Variants in NME7 observed in about 807,000 individuals in gnomAD.
NME7 encodes NME/NM23 family member 7.
NME7 carries 41 observed loss-of-function variants against 49.1 expected under a neutral mutation model. The ratio of observed to expected loss-of-function variants is 0.83; its 90% CI spans 0.65 to 1.08. NME7 has a LOEUF of 1.08. Among genes scored for constraint, NME7 ranks in the 50% least tolerant of loss-of-function variants. NME7 has a pLI of 0.00. For synonymous variants in NME7, 139 were observed against 150.6 expected, an observed-to-expected ratio of 0.92 and a Z score of 0.56; for missense variants, 423 against 463.4, an observed-to-expected ratio of 0.91 and a Z score of 0.80.
chr1:169,286,702 T>C (rs1248216060), intron 7 of NME7: 2 of 152,086 alleles, frequency 1.3e-5, no homozygotes, highest in African/African-American at 2.4e-5. Flanking sequence ...AGGAGTGCTA[T>C]TGGCTGGGCA....
At chr1:169,280,470 A>G (rs1351817814) in intron 7 of NME7, among the ~76,000 whole-genome samples, 1 of 150,954 alleles carries the variant, frequency 6.6e-6, no homozygotes, top group African/African-American at 2.4e-5. Flanking sequence ...ATTAGATCCC[A>G]TATGTCAATT....
At chr1:169,293,498 T>G (rs1571362916) in intron 6 of NME7, among the ~76,000 whole-genome samples, 1 of 152,270 alleles carries the variant, frequency 6.6e-6, no homozygotes, top group African/African-American at 2.4e-5. Context: ...CAACTTCTCA[T>G]TATATTTGGG....
intron 1 of NME7, among the ~76,000 whole-genome samples, chr1:169,365,962 C>T (rs918780119): frequency 2.0e-5 from 3 of 152,100 alleles, no homozygotes; most frequent in African/African-American, 7.2e-5. Context: ...GGAAAGATAG[C>T]AAGTTCAGTT....
intron 3 of NME7, among the ~76,000 whole-genome samples, chr1:169,310,424 A>AT (rs1651338853): frequency 6.6e-6 from 1 of 152,190 alleles, no homozygotes; most frequent in Admixed American, 6.5e-5. Context: ...TCTCTAAAAC[A>AT]TTGCATTAAA....
chr1:169,197,211 T>C (rs1198528496), intron 10 of NME7, among the ~76,000 whole-genome samples: 1 of 152,170 alleles, frequency 6.6e-6, no homozygotes. Flanking sequence ...AAAAAGATTT[T>C]TGGAAAAATA....
chr1:169,367,618 G>A (rs371890471), intron 1 of NME7, 90 bp downstream of exon 1: 47 of 1,477,136 alleles, frequency 3.2e-5, no homozygotes, highest in South Asian at 5.7e-5. Flanking sequence ...GGGAGGACCG[G>A]ACAACTTTAA....
chr1:169,179,796 A>C (rs190538653), intron 10 of NME7, among the ~76,000 whole-genome samples: 86 of 152,262 alleles, frequency 5.6e-4, no homozygotes, highest in Non-Finnish European at 9.4e-4. Flanking sequence ...GGGGAGCAAC[A>C]CACACTGGGG....
intron 7 of NME7, among the ~76,000 whole-genome samples, chr1:169,267,494 A>T (rs967254774): frequency 2.3e-5 from 3 of 133,292 alleles, no homozygotes; most frequent in Non-Finnish European, 5.3e-5. Flanking sequence ...AAGCTGGAGG[A>T]ATCATATTGT....
chr1:169,195,032 G>T (rs146673281), intron 10 of NME7, among the ~76,000 whole-genome samples: 7 of 151,750 alleles, frequency 4.6e-5, no homozygotes, highest in African/African-American at 1.7e-4. Context: ...CTCAGCAGCA[G>T]AATTATATTC....
intron 7 of NME7, among the ~76,000 whole-genome samples, chr1:169,282,397 C>A (rs1038411671): frequency 2.0e-5 from 3 of 151,992 alleles, no homozygotes; most frequent in Non-Finnish European, 4.4e-5. Flanking sequence ...TTCAAAAAAC[C>A]AGTTCACGGA....
At chr1:169,359,203 CGT>C (rs1653568724) in intron 1 of NME7, among the ~76,000 whole-genome samples, 1 of 152,140 alleles carries the variant, frequency 6.6e-6, no homozygotes. Flanking sequence ...ACTTACAACA[CGT>C]AATACAATGC....
intron 10 of NME7, among the ~76,000 whole-genome samples, chr1:169,223,801 A>G (rs1661219270): frequency 6.6e-6 from 1 of 152,076 alleles, no homozygotes; most frequent in African/African-American, 2.4e-5. Context: ...AGAGAGAGAG[A>G]GAGAGATGTA....
rs567872314 is a variant in NME7 at position 169,263,431 on chromosome 1, G to T, written c.754+23872C>A. ...ATAATACAACCAATCTGATAGAGCT[G>T]AAAAACACACTACAAGAATTTCATA... On this transcript the variant is annotated intron_variant, in intron 7 of 11. Coordinates refer to ENST00000367811, the MANE Select transcript of NME7 (RefSeq NM_013330.5). 1.0e-4 allele frequency among the ~76,000 whole-genome samples: 14 copies of T among 133,914 alleles called. 4 individuals are homozygous for T. In the South Asian group the frequency reaches 1.8e-3, roughly 18 times the overall value. The allele number at this position is 133,914 out of a possible 152,430, so 87.9% of individuals were successfully genotyped here.
chr1:169,315,030 C>T (rs1651562900), intron 3 of NME7, among the ~76,000 whole-genome samples: 1 of 151,768 alleles, frequency 6.6e-6, no homozygotes, highest in African/African-American at 2.4e-5. Flanking sequence ...AGTAACATAC[C>T]CTTAAAATTA....
At chr1:169,234,039 C>T (rs1647754542) in intron 9 of NME7, among the ~76,000 whole-genome samples, 1 of 151,968 alleles carries the variant, frequency 6.6e-6, no homozygotes, top group South Asian at 2.1e-4. Flanking sequence ...AATAGACATA[C>T]AAGGCTGTCA....
intron 7 of NME7, among the ~76,000 whole-genome samples, chr1:169,255,858 A>G (rs1353697659): frequency 7.6e-6 from 1 of 132,182 alleles, no homozygotes; most frequent in African/African-American, 2.6e-5. Flanking sequence ...TCTGGGTTGA[A>G]AATTCTTTTC....
chr1:169,196,458 G>T (rs1660382055), intron 10 of NME7, among the ~76,000 whole-genome samples: 1 of 152,100 alleles, frequency 6.6e-6, no homozygotes, highest in South Asian at 2.1e-4. Context: ...GTGAGAAAAG[G>T]GATTTTTTTG....
chr1:169,235,599 A>T (rs1647827970), intron 8 of NME7, among the ~76,000 whole-genome samples: 1 of 152,130 alleles, frequency 6.6e-6, no homozygotes, highest in South Asian at 2.1e-4. Flanking sequence ...ATAAAACCTC[A>T]TTCTTGATAC....
intron 7 of NME7, among the ~76,000 whole-genome samples, chr1:169,268,761 A>C (rs1178167036): frequency 7.5e-6 from 1 of 133,012 alleles, no homozygotes; most frequent in Non-Finnish European, 1.8e-5. Flanking sequence ...ACAGAAGTTG[A>C]AAAACAGACA....
Sources: gnomAD v4.1 joint callset for allele counts (sites outside exome capture counted in the v4.1 genomes callset) on GRCh38, gnomAD v4.1.1 for gene constraint, MANE v1.5 for transcripts, NCBI Gene and HGNC (gene_info 2026-07-23, HGNC 2026-07-21) for gene names.